Variants in CELF1 observed in about 807,000 individuals in gnomAD.
CELF1 encodes the protein 50 kDa nuclear polyadenylated RNA-binding protein.
Under a neutral mutation model 61.8 loss-of-function variants are expected in CELF1, and 10 were observed. That is an observed-to-expected ratio of 0.16 (90% CI 0.10 to 0.27). The LOEUF (loss-of-function observed/expected upper bound fraction) is 0.27, where lower values mean the gene tolerates loss of function less well. CELF1 is among the 10% of genes least tolerant of loss of function. The probability of loss-of-function intolerance (pLI) is 1.00; values close to 1 mark genes in which losing one functional copy is unlikely to be tolerated. For synonymous variants in CELF1, 236 were observed against 225.1 expected (o/e 1.05, Z -0.43); for missense variants, 380 against 639.1 (o/e 0.59, Z 4.37).
chr11:47,560,606 T>G (rs533207632), intron 2 of CELF1, among the ~76,000 whole-genome samples: 2 of 152,216 alleles, frequency 1.3e-5, no homozygotes, highest in South Asian at 4.2e-4. Flanking sequence ...CTAATGGGTA[T>G]AGGATTTCTT....
chr11:47,498,240 C>G (rs1055210936), intron 3 of CELF1, among the ~76,000 whole-genome samples: 2 of 149,178 alleles, frequency 1.3e-5, no homozygotes, highest in African/African-American at 2.4e-5. Context: ...GACCTCATAT[C>G]TACAAAAAGT....
chr11:47,554,250 A>G (rs1313390028), upstream of CELF1, among the ~76,000 whole-genome samples: 3 of 152,180 alleles, frequency 2.0e-5, no homozygotes, highest in African/African-American at 4.8e-5. Flanking sequence ...GTACATGATC[A>G]TATTCCCTAA....
At chr11:47,500,098 T>C (rs948001435) in intron 2 of CELF1, among the ~76,000 whole-genome samples, 3 of 151,930 alleles carry the variant, frequency 2.0e-5, no homozygotes, top group Non-Finnish European at 4.4e-5. Flanking sequence ...AGAGGAATGA[T>C]AAGACCATCA....
Position 47,516,369 on chromosome 11 carries a change from T to G in CELF1, c.-153-15437A>C, listed in dbSNP as rs192972056. Among the ~76,000 whole-genome samples, 79 of 152,198 alleles carry G rather than the reference T, an allele frequency of 5.2e-4. 1 individual carries two copies. The highest frequency in any genetic ancestry group is 1.8e-3 in the African/African-American group (73 of 41,522). ...CTAGTATCACCAAATTCCCCCGAAT[T>G]TAGTTTAAAAGGAAGGCGAGCAGCT... On this transcript the variant is annotated intron_variant, in intron 1 of 14. Transcript: ENST00000687097.
intron 6 of CELF1, 50 bp downstream of exon 6, chr11:47,486,700 G>T: frequency 1.4e-6 from 2 of 1,470,436 alleles, no homozygotes; most frequent in African/African-American, 1.4e-5. Context: ...GAGCCACCGT[G>T]CCTGGCCTAG....
At chr11:47,496,028 G>C in intron 3 of CELF1, 1 of 984,672 alleles carries the variant, frequency 1.0e-6, no homozygotes, top group Non-Finnish European at 1.2e-6. Flanking sequence ...GGTCCCTCTG[G>C]CTCACATACA....
At chr11:47,487,591 A>C (rs769687931) in intron 4 of CELF1, among the ~76,000 whole-genome samples, 1 of 152,230 alleles carries the variant, frequency 6.6e-6, no homozygotes, top group Non-Finnish European at 1.5e-5. Flanking sequence ...ACAAGAAGAC[A>C]GATGGGGCTC....
At position 47,482,850 on chromosome 11, in the gene CELF1, A is replaced by T; in HGVS notation, c.613T>A (p.Ser205Thr). Residue 205 changes from serine to threonine, a missense_variant, in exon 9 of 15, where the codon TCA becomes ACA. Physicochemically the swap from Ser to Thr is moderately conservative, Grantham distance 58 (BLOSUM62 1). Transcript: ENST00000687097. ...MHQAQTMEGC[S>T]SPMVVKFADT... ...GCAAATTTTACCACCATGGGTGATG[A>T]GCAACCCTGTGAAAAGACCATAACG... 2 of 1,613,786 alleles carry T rather than the reference A, an allele frequency of 1.2e-6. No homozygotes were observed. Among genetic ancestry groups the T allele is most frequent in the Non-Finnish European group, 1.7e-6 (2 of 1,179,846 alleles).
intron 1 of CELF1, among the ~76,000 whole-genome samples, chr11:47,502,405 G>GT (rs2094014142): frequency 1.3e-5 from 2 of 152,146 alleles, no homozygotes; most frequent in African/African-American, 2.4e-5. Context: ...AGGTTATGAA[G>GT]TTAAGTGATA....
intron 2 of CELF1, chr11:47,499,807 G>A (rs1027439115): frequency 1.7e-5 from 7 of 406,576 alleles, no homozygotes; most frequent in Non-Finnish European, 3.1e-5. Context: ...ATTTTCCCTG[G>A]CGAAGCAGTA....
chr11:47,551,158 T>C (rs1053038215), intron 1 of CELF1, among the ~76,000 whole-genome samples: 2 of 152,190 alleles, frequency 1.3e-5, no homozygotes, highest in African/African-American at 2.4e-5. Context: ...ACAGCCCCTC[T>C]TGCTACCAGA....
At chr11:47,546,101 G>A (rs1354299827) in intron 1 of CELF1, among the ~76,000 whole-genome samples, 4 of 151,572 alleles carry the variant, frequency 2.6e-5, no homozygotes, top group African/African-American at 9.7e-5. Context: ...TAGTAGAGAC[G>A]GGGTTTCACC....
At chr11:47,480,940 T>C (rs886482600) in intron 9 of CELF1, among the ~76,000 whole-genome samples, 7 of 151,572 alleles carry the variant, frequency 4.6e-5, no homozygotes, top group Non-Finnish European at 8.8e-5. Context: ...CAGTTGGAGG[T>C]TGCAGTGAGC....
intron 2 of CELF1, among the ~76,000 whole-genome samples, chr11:47,558,789 AATATATATTGCAGCCAATAAT>A (rs1047372441): frequency 2.7e-5 from 3 of 112,530 alleles, no homozygotes; most frequent in African/African-American, 7.0e-5. Context: ...ATATATATAT[AATATATATTGCAGCCAATAAT>A]ATATATATTG....
chr11:47,519,924 C>T (rs1247079712), intron 1 of CELF1, among the ~76,000 whole-genome samples: 1 of 140,450 alleles, frequency 7.1e-6, no homozygotes. Context: ...CTGTCACATC[C>T]TTCAAATCAC....
At chr11:47,495,554 T>C (rs1382358197) in intron 3 of CELF1, among the ~76,000 whole-genome samples, 4 of 152,178 alleles carry the variant, frequency 2.6e-5, no homozygotes, top group Non-Finnish European at 5.9e-5. Context: ...TTATAGTATG[T>C]GAATTATGTC....
At chr11:47,529,084 T>TC (rs1598057126) in intron 1 of CELF1, among the ~76,000 whole-genome samples, 1 of 150,302 alleles carries the variant, frequency 6.7e-6, no homozygotes, top group Admixed American at 6.6e-5. Context: ...TTACTTTTTT[T>TC]TTTTTTTTTT....
At chr11:47,536,226 G>T (rs144264928) in intron 1 of CELF1, among the ~76,000 whole-genome samples, 3 of 151,976 alleles carry the variant, frequency 2.0e-5, no homozygotes, top group African/African-American at 7.2e-5. Flanking sequence ...AAAATTAGCT[G>T]GGCATGGTGC....
In CELF1 at chr11:47,537,874, C is replaced by T. The variant is rs75549036; in HGVS notation, c.-154+15118G>A. On this transcript the variant is annotated intron_variant, in intron 1 of 14. Transcript: ENST00000687097. ...AGCACTGGGTTTAGTACGATACACA[C>T]AACACATAAAGGCATAATCATTTTG... Among the ~76,000 whole-genome samples, 857 of 152,026 alleles carry T rather than the reference C, an allele frequency of 5.6e-3. 10 individuals carry two copies. The highest frequency in any genetic ancestry group is 0.019 in the African/African-American group (775 of 41,468).
Sources: gnomAD v4.1 joint callset for allele counts (sites outside exome capture counted in the v4.1 genomes callset) on GRCh38, gnomAD v4.1.1 for gene constraint, MANE v1.5 for transcripts, NCBI Gene and HGNC (gene_info 2026-07-23, HGNC 2026-07-21) for gene names.